The following PDHA2 variants were observed in gnomAD, a reference collection of about 807,000 sequenced individuals.
The protein encoded by PDHA2 is pyruvate dehydrogenase E1 component subunit alpha, testis-specific form, mitochondrial.
For synonymous variants in PDHA2, 188 were observed against 185.9 expected (o/e 1.01, Z -0.09); for missense variants, 533 against 495.8 (o/e 1.07, Z -0.71).
Position 95,840,709 on chromosome 4 carries a change from A to G in PDHA2, c.559A>G (p.Ile187Val). ...CTGTAAATATAAAGGAAACGATGAG[A>G]TCTGTTTGACTTTATATGGGGATGG... ...LACKYKGNDEICLTLYGDGAA... is the reference protein window; with the variant it reads ...LACKYKGNDEVCLTLYGDGAA... The change falls in exon 1 of 1, where the codon ATC becomes GTC. Residue 187 changes from isoleucine to valine, a missense_variant. Coordinates refer to ENST00000295266, the MANE Select transcript of PDHA2 (RefSeq NM_005390.5). 1.2e-6 allele frequency: 2 copies of G among 1,614,122 alleles called. No homozygotes were observed. The highest frequency in any genetic ancestry group is 1.7e-6 in the Non-Finnish European group (2 of 1,180,016).
rs747518411 is a variant in PDHA2 at position 95,840,273 on chromosome 4, T to C, written c.123T>C (p.Leu41=). Residue 41 remains leucine (L), a synonymous_variant, in exon 1 of 1, where the codon CTT becomes CTC. Transcript: ENST00000295266. The part of the protein sequence containing the change: ...DATFEIKKCD[L]YLLEEGPPVT... Reference sequence around the variant, plus strand: ...CATTTGAAATTAAGAAATGTGATCTTTATCTGTTGGAAGAGGGTCCCCCTG... The same window carrying C: ...CATTTGAAATTAAGAAATGTGATCTCTATCTGTTGGAAGAGGGTCCCCCTG... The C allele has an allele frequency of 1.9e-6, 3 of 1,614,070 alleles. No individual in the cohort carries two copies. The highest frequency in any genetic ancestry group is 1.3e-5 in the African/African-American group (1 of 74,922).
Position 95,841,274 on chromosome 4 carries a change from T to A in PDHA2, c.1124T>A (p.Val375Asp). 6.2e-7 allele frequency: 1 copy of A among 1,614,112 alleles called. No homozygotes were observed. The highest frequency in any genetic ancestry group is 1.1e-5 in the South Asian group (1 of 91,084). The change falls in exon 1 of 1, where the codon GTT (valine) becomes GAT (aspartate). Residue 375 changes from valine (V) to aspartate (D), a missense_variant. By Grantham distance (152) the Val-to-Asp change is radical. Coordinates refer to ENST00000295266, the MANE Select transcript of PDHA2 (RefSeq NM_005390.5). Reference sequence around the variant, plus strand: ...TACAGCAGTGATTCATCTTTTGAAGTTCGTGGTGCAAATCCATGGATCAAG... The same window carrying A: ...TACAGCAGTGATTCATCTTTTGAAGATCGTGGTGCAAATCCATGGATCAAG... Reference protein sequence around the residue: ...HIYSSDSSFEVRGANPWIKFK... With the variant: ...HIYSSDSSFEDRGANPWIKFK...
At position 95,840,579 on chromosome 4, in the gene PDHA2, T is replaced by G. The variant is rs1169986433; in HGVS notation, c.429T>G (p.Cys143Trp). Residue 143 changes from cysteine to tryptophan, a missense_variant, in exon 1 of 1, where the codon TGT becomes TGG. Transcript: ENST00000295266. ...LAELTGRRGG[C>W]AKGKGGSMHM... is the part of the protein sequence containing the mutation. ...AGCTGACGGGAAGAAGAGGAGGTTG[T>G]GCTAAAGGAAAAGGAGGATCGATGC... 1.2e-6 allele frequency: 2 copies of G among 1,614,134 alleles called. No individual in the cohort carries two copies. The highest frequency in any genetic ancestry group is 2.2e-5 in the South Asian group (2 of 91,076).
Position 95,840,516 on chromosome 4 carries a change from C to T in PDHA2, c.366C>T (p.Cys122=), listed in dbSNP as rs575674571. 780 of 1,614,130 alleles carry T rather than the reference C, an allele frequency of 4.8e-4. 10 individuals are homozygous for T. In the South Asian group the frequency reaches 8.0e-3, roughly 17 times the overall value. ...CATCCTATAGGGCTCATGGTGTGTG[C>T]TATACTCGGGGACTTTCTGTCCGAT... The part of the protein sequence containing the change: ...VITSYRAHGV[C]YTRGLSVRSI... Residue 122 remains cysteine, a synonymous_variant, in exon 1 of 1, where the codon TGC becomes TGT. Coordinates refer to ENST00000295266, the MANE Select transcript of PDHA2 (RefSeq NM_005390.5).
rs1308706434 is a variant in PDHA2, at chr4:95,840,827, G to C, written c.677G>C (p.Gly226Ala). 1.2e-6 allele frequency: 2 copies of C among 1,614,096 alleles called. No individual in the cohort carries two copies. Among genetic ancestry groups the C allele is most frequent in the Non-Finnish European group, 1.7e-6 (2 of 1,180,020 alleles). ...CVFICENNLY[G>A]MGTSTERAAA... The stretch of plus-strand genomic sequence containing the variant: ...TTCATCTGTGAGAATAACCTATATG[G>C]AATGGGAACATCTACTGAGAGAGCA... The change falls in exon 1 of 1, where the codon GGA becomes GCA. Residue 226 changes from glycine to alanine, a missense_variant. Transcript: ENST00000295266.
At position 95,841,429 on chromosome 4, in the gene PDHA2, T is replaced by A. The variant is rs1210435869; in HGVS notation, c.*112T>A. The stretch of plus-strand genomic sequence containing the variant: ...GAATAAAACTCATAAAACAAAAGCC[T>A]TGTAAGCATTTATTAAAAGAGATTA... On this transcript the variant is annotated 3_prime_UTR_variant, in exon 1 of 1. Transcript: ENST00000295266. The A allele has an allele frequency of 1.3e-5, 10 of 770,382 alleles. No individual in the cohort carries two copies. The highest frequency in any genetic ancestry group is 1.9e-5 in the Non-Finnish European group (9 of 468,074). The allele number at this position is 770,382 out of a possible 1,614,324, so 47.7% of individuals were successfully genotyped here. A position where few individuals can be genotyped will look rare whatever the true frequency, so the allele number is the denominator to read the frequency against.
chr4:95,841,331 G>T lies in PDHA2; in HGVS notation c.*14G>T. 1 of 1,598,892 alleles carries T rather than the reference G, an allele frequency of 6.3e-7. No individual in the cohort carries two copies. Among genetic ancestry groups the T allele is most frequent in the Non-Finnish European group, 8.6e-7 (1 of 1,166,392 alleles). The stretch of plus-strand genomic sequence containing the variant: ...TCCGTCAGTTAAAGGGAGGCTACGT[G>T]TGAATTTATCATCAGTCTCTCAATG... On this transcript the variant is annotated 3_prime_UTR_variant, in exon 1 of 1. Coordinates refer to ENST00000295266, the MANE Select transcript of PDHA2 (RefSeq NM_005390.5).
rs548337417 is a variant in PDHA2 at position 95,840,684 on chromosome 4, C to G, written c.534C>G (p.Ala178=). 6.2e-7 allele frequency: 1 copy of G among 1,614,192 alleles called. No homozygotes were observed. The highest frequency in any genetic ancestry group is 2.2e-5 in the East Asian group (1 of 44,874). ...CCCTGGGCGCTGGCATTGCTCTGGC[C>G]TGTAAATATAAAGGAAACGATGAGA... ...QGPLGAGIAL[A]CKYKGNDEIC... Residue 178 remains alanine (A), a synonymous_variant, in exon 1 of 1, where the codon GCC becomes GCG. Transcript: ENST00000295266.
In PDHA2 at chr4:95,840,605, A is replaced by T; in HGVS notation, c.455A>T (p.His152Leu). 6.2e-7 allele frequency: 1 copy of T among 1,614,174 alleles called. No individual in the cohort carries two copies. The change falls in exon 1 of 1, where the codon CAT becomes CTT. Residue 152 changes from histidine to leucine, a missense_variant. Coordinates refer to ENST00000295266, the MANE Select transcript of PDHA2 (RefSeq NM_005390.5). ...GCAKGKGGSM[H>L]MYTKNFYGGN... ...GCTAAAGGAAAAGGAGGATCGATGC[A>T]TATGTATACCAAGAACTTCTATGGG...
In PDHA2 at chr4:95,841,069, GAAGT is replaced by G; in HGVS notation, c.923_926del (p.Val308GlufsTer7). 1 of 1,614,128 alleles carries G rather than the reference GAAGT, an allele frequency of 6.2e-7. No homozygotes were observed. Among genetic ancestry groups the G allele is most frequent in the African/African-American group, 1.3e-5 (1 of 75,030 alleles). On this transcript the variant is annotated frameshift_variant, in exon 1 of 1. Coordinates refer to ENST00000295266, the MANE Select transcript of PDHA2 (RefSeq NM_005390.5). LOFTEE classifies it low-confidence loss of function (END_TRUNC). The stretch of plus-strand genomic sequence containing the variant: ...TTATCGTACACGAGAAGAAATTCAG[GAAGT>G]AAGAAGTAAGAGGGATCCTATAATA...
chr4:95,840,422 T>A lies in PDHA2; in HGVS notation c.272T>A (p.Leu91Gln), dbSNP rs960005197. The A allele has an allele frequency of 6.2e-7, 1 of 1,614,100 alleles. No homozygotes were observed. Residue 91 changes from leucine to glutamine, a missense_variant, in exon 1 of 1, where the codon CTG (leucine) becomes CAG (glutamine). Coordinates refer to ENST00000295266, the MANE Select transcript of PDHA2 (RefSeq NM_005390.5). ...AAATTCATTCGCGGTTTCTGTCACC[T>A]GTGCGATGGTCAGGAAGCTTGTTGC... Reference protein sequence around the residue: ...KQKFIRGFCHLCDGQEACCVG... With the variant: ...KQKFIRGFCHQCDGQEACCVG...
Position 95,841,134 on chromosome 4 carries a change from C to CA in PDHA2, c.985dup (p.Thr329AsnfsTer11). 1 of 1,614,110 alleles carries CA rather than the reference C, an allele frequency of 6.2e-7. No homozygotes were observed. The highest frequency in any genetic ancestry group is 2.2e-5 in the East Asian group (1 of 44,882). On this transcript the variant is annotated frameshift_variant, in exon 1 of 1. Transcript: ENST00000295266. LOFTEE classifies it low-confidence loss of function (END_TRUNC). Reference sequence around the variant, plus strand: ...ATAGAATGGTAAACAGCAAGCTCGCCACTGTGGAAGAATTAAAGGAAATTG... The same window carrying CA: ...ATAGAATGGTAAACAGCAAGCTCGCCAACTGTGGAAGAATTAAAGGAAATTG...
chr4:95,841,254 C>T lies in PDHA2; in HGVS notation c.1104C>T (p.Ser368=), dbSNP rs141255290. Reference sequence around the variant, plus strand: ...AAGAATTAGGCCATCACATCTACAGCAGTGATTCATCTTTTGAAGTTCGTG... The same window carrying T: ...AAGAATTAGGCCATCACATCTACAGTAGTGATTCATCTTTTGAAGTTCGTG... ...HLEELGHHIY[S]SDSSFEVRGA... Residue 368 remains serine (S), a synonymous_variant, in exon 1 of 1, where the codon AGC becomes AGT. Transcript: ENST00000295266. The T allele has an allele frequency of 6.2e-7, 1 of 1,614,074 alleles. No homozygotes were observed.
rs777929918 is a variant in PDHA2 at position 95,840,577 on chromosome 4, T to C, written c.427T>C (p.Cys143Arg). Residue 143 changes from cysteine (C) to arginine (R), a missense_variant, in exon 1 of 1, where the codon TGT (cysteine) becomes CGT (arginine). Physicochemically the swap from Cys to Arg is radical, Grantham distance 180. Coordinates refer to ENST00000295266, the MANE Select transcript of PDHA2 (RefSeq NM_005390.5). The stretch of plus-strand genomic sequence containing the variant: ...AGAGCTGACGGGAAGAAGAGGAGGT[T>C]GTGCTAAAGGAAAAGGAGGATCGAT... ...LAELTGRRGG[C>R]AKGKGGSMHM... The C allele has an allele frequency of 1.2e-6, 2 of 1,614,126 alleles. No homozygotes were observed. The highest frequency in any genetic ancestry group is 4.5e-5 in the East Asian group (2 of 44,840).
chr4:95,840,290 G>A lies in PDHA2; in HGVS notation c.140G>A (p.Gly47Asp), dbSNP rs771226195. Residue 47 changes from glycine (G) to aspartate (D), a missense_variant, in exon 1 of 1, where the codon GGT (glycine) becomes GAT (aspartate). Physicochemically the swap from Gly to Asp is moderately conservative, Grantham distance 94. Transcript: ENST00000295266. The stretch of plus-strand genomic sequence containing the variant: ...TGTGATCTTTATCTGTTGGAAGAGG[G>A]TCCCCCTGTCACTACAGTGCTCACT... ...KKCDLYLLEE[G>D]PPVTTVLTRA... 5 of 1,614,202 alleles carry A rather than the reference G, an allele frequency of 3.1e-6. No homozygotes were observed. Among genetic ancestry groups the A allele is most frequent in the Non-Finnish European group, 4.2e-6 (5 of 1,180,044 alleles).
chr4:95,841,161 G>T lies in PDHA2; in HGVS notation c.1011G>T (p.Gly337=). 6.2e-7 allele frequency: 1 copy of T among 1,614,112 alleles called. No homozygotes were observed. The highest frequency in any genetic ancestry group is 8.5e-7 in the Non-Finnish European group (1 of 1,179,982). The change falls in exon 1 of 1, where the codon GGG becomes GGT. Residue 337 remains glycine, a synonymous_variant. Coordinates refer to ENST00000295266, the MANE Select transcript of PDHA2 (RefSeq NM_005390.5). ...LATVEELKEI[G]AEVRKEIDDA... ...CTGTGGAAGAATTAAAGGAAATTGG[G>T]GCTGAGGTGAGGAAAGAAATTGATG...
At position 95,840,915 on chromosome 4, in the gene PDHA2, G is replaced by C; in HGVS notation, c.765G>C (p.Met255Ile). 6.2e-7 allele frequency: 1 copy of C among 1,614,164 alleles called. No homozygotes were observed. The highest frequency in any genetic ancestry group is 2.2e-5 in the East Asian group (1 of 44,870). Residue 255 changes from methionine to isoleucine, a missense_variant, in exon 1 of 1, where the codon ATG becomes ATC. Met to Ile is a conservative substitution (Grantham distance 10). Transcript: ENST00000295266. The part of the protein sequence containing the change: ...NFIPGLKVDG[M>I]DVLCVREATK... ...TCCCTGGGCTAAAGGTCGATGGAAT[G>C]GATGTTCTGTGTGTTCGTGAGGCAA...
chr4:95,840,561 G>C lies in PDHA2; in HGVS notation c.411G>C (p.Thr137=). 1 of 1,614,164 alleles carries C rather than the reference G, an allele frequency of 6.2e-7. No individual in the cohort carries two copies. The highest frequency in any genetic ancestry group is 8.5e-7 in the Non-Finnish European group (1 of 1,180,044). The change falls in exon 1 of 1, where the codon ACG becomes ACC. Residue 137 remains threonine, a synonymous_variant. Coordinates refer to ENST00000295266, the MANE Select transcript of PDHA2 (RefSeq NM_005390.5). ...LSVRSILAEL[T]GRRGGCAKGK... ...TCCGATCCATTCTCGCAGAGCTGAC[G>C]GGAAGAAGAGGAGGTTGTGCTAAAG... is the stretch of plus-strand genomic sequence containing the variant.
At position 95,841,215 on chromosome 4, in the gene PDHA2, T is replaced by C; in HGVS notation, c.1065T>C (p.Pro355=). Residue 355 remains proline (P), a synonymous_variant, in exon 1 of 1, where the codon CCT becomes CCC. Transcript: ENST00000295266. The part of the protein sequence containing the change: ...DDAAQFATTD[P]EPHLEELGHH... ...CTGCCCAGTTTGCTACCACTGATCC[T>C]GAGCCACATTTGGAAGAATTAGGCC... is the stretch of plus-strand genomic sequence containing the variant. The C allele has an allele frequency of 6.2e-7, 1 of 1,614,184 alleles. No individual in the cohort carries two copies. Among genetic ancestry groups the C allele is most frequent in the Non-Finnish European group, 8.5e-7 (1 of 1,180,004 alleles).
Sources: gnomAD v4.1 joint callset for allele counts on GRCh38, gnomAD v4.1.1 for gene constraint, MANE v1.5 for transcripts, NCBI Gene and HGNC (gene_info 2026-07-23, HGNC 2026-07-21) for gene names.